The following AK5 variants were observed in gnomAD, a reference collection of about 807,000 sequenced individuals.
AK5 encodes adenylate kinase isoenzyme 5.
In AK5, 27 loss-of-function variants were observed where a neutral mutation model predicts 69.5. That is an observed-to-expected ratio of 0.39 (90% CI 0.29 to 0.54). The LOEUF is 0.54. Ranked by LOEUF, AK5 falls within the 20% of genes least tolerant of loss-of-function variation. The pLI is 0.71. For missense variants in AK5, 531 were observed against 700.4 expected (o/e 0.76, Z 2.73); for synonymous variants, 260 against 244.4 (o/e 1.06, Z -0.60).
intron 6 of AK5, among the ~76,000 whole-genome samples, chr1:77,391,873 G>A (rs60783179): frequency 0.019 from 2,887 of 152,222 alleles, 90 homozygotes; most frequent in African/African-American, 0.066. Flanking sequence ...AATAAATGGG[G>A]TGAAACAAAT....
In AK5 at chr1:77,535,928, A is replaced by C. The variant is rs1658934593; in HGVS notation, c.1510A>C (p.Ser504Arg). 1 of 1,613,900 alleles carries C rather than the reference A, an allele frequency of 6.2e-7. No homozygotes were observed. Among genetic ancestry groups the C allele is most frequent in the African/African-American group, 1.3e-5 (1 of 74,872 alleles). Residue 504 changes from serine (S) to arginine (R), a missense_variant, in exon 13 of 14, where the codon AGC (serine) becomes CGC (arginine). Physicochemically the swap from Ser to Arg is moderately radical, Grantham distance 110. Transcript: ENST00000354567. ...TNRLLQRSRS[S>R]LPVDDTTKTI... is the part of the protein sequence containing the mutation. ...CCGCCTTCTCCAAAGGAGCCGGAGC[A>C]GCCTGCCTGTGGACGACACCACCAA... is the stretch of plus-strand genomic sequence containing the variant.
chr1:77,548,809 A>G (rs1570351527), intron 13 of AK5, among the ~76,000 whole-genome samples: 1 of 151,872 alleles, frequency 6.6e-6, no homozygotes, highest in Non-Finnish European at 1.5e-5. Flanking sequence ...ACTGTTGGGT[A>G]GAAATATTAT....
intron 5 of AK5, among the ~76,000 whole-genome samples, chr1:77,315,592 G>A (rs1660202796): frequency 6.6e-6 from 1 of 151,952 alleles, no homozygotes; most frequent in Admixed American, 6.6e-5. Flanking sequence ...AGGATTCAAA[G>A]GTTTGATTAA....
At chr1:77,383,790 C>T (rs1487099779) in intron 6 of AK5, among the ~76,000 whole-genome samples, 1 of 151,704 alleles carries the variant, frequency 6.6e-6, no homozygotes, top group Admixed American at 6.6e-5. Flanking sequence ...ATAATAATGC[C>T]CTATGAAATG....
At chr1:77,488,128 A>G (rs568050266) in intron 10 of AK5, among the ~76,000 whole-genome samples, 1 of 152,178 alleles carries the variant, frequency 6.6e-6, no homozygotes, top group African/African-American at 2.4e-5. Context: ...AGAGAACAGT[A>G]TGTGTCAAGC....
intron 10 of AK5, among the ~76,000 whole-genome samples, chr1:77,511,780 T>C (rs990428216): frequency 6.6e-6 from 1 of 152,134 alleles, no homozygotes; most frequent in African/African-American, 2.4e-5. Flanking sequence ...GCAGGTTCCA[T>C]AGAACTGAAG....
At chr1:77,507,903 A>C (rs1312375860) in intron 10 of AK5, among the ~76,000 whole-genome samples, 1 of 152,178 alleles carries the variant, frequency 6.6e-6, no homozygotes, top group African/African-American at 2.4e-5. Context: ...AGCTGAAAGA[A>C]TATTACAGTG....
At chr1:77,382,300 T>C (rs1340523274) in intron 6 of AK5, among the ~76,000 whole-genome samples, 1 of 151,284 alleles carries the variant, frequency 6.6e-6, no homozygotes, top group East Asian at 1.9e-4. Context: ...CAAATGATAG[T>C]ACCAGATTTA....
At chr1:77,298,913 A>C (rs894428318) in intron 5 of AK5, among the ~76,000 whole-genome samples, 12 of 152,218 alleles carry the variant, frequency 7.9e-5, no homozygotes, top group African/African-American at 2.9e-4. Context: ...GTGAAAGTCC[A>C]TCAATACCCT....
chr1:77,450,551 T>TA (rs60125215), intron 8 of AK5, among the ~76,000 whole-genome samples: 149,564 of 152,182 alleles, frequency 0.98, 73,553 homozygotes, highest in Middle Eastern at 1. Flanking sequence ...TTCACAACAG[T>TA]AAAAAAATTA....
rs376053801 is a variant in AK5, at chr1:77,361,933, C to T, written c.891+21365C>T. On this transcript the variant is annotated intron_variant, in intron 6 of 13. Coordinates refer to ENST00000354567, the MANE Select transcript of AK5 (RefSeq NM_174858.3). The stretch of plus-strand genomic sequence containing the variant: ...AGGTGAGATTTGGGTGGGGACACAG[C>T]CAAATCATATCACCCTACTCTGCTG... Among the ~76,000 whole-genome samples, 4 of 152,156 alleles carry T rather than the reference C, an allele frequency of 2.6e-5. 1 individual carries two copies. Among genetic ancestry groups the T allele is most frequent in the African/African-American group, 9.6e-5 (4 of 41,514 alleles).
rs1660108553 is a variant in AK5 at position 77,556,457 on chromosome 1, G to A, written c.1621-2145G>A. Among the ~76,000 whole-genome samples the A allele has an allele frequency of 2.6e-5, 4 of 152,162 alleles. No individual in the cohort carries two copies. In the South Asian group the frequency reaches 8.3e-4, roughly 32 times the overall value. ...GTTTGTGAAATTAATCCATGTTGTT[G>A]AAGATAGCTGTGGTTCTTTTTCTTT... On this transcript the variant is annotated intron_variant, in intron 13 of 13. Coordinates refer to ENST00000354567, the MANE Select transcript of AK5 (RefSeq NM_174858.3).
chr1:77,342,766 T>A (rs1262264901), intron 6 of AK5, among the ~76,000 whole-genome samples: 2 of 152,056 alleles, frequency 1.3e-5, no homozygotes, highest in Non-Finnish European at 2.9e-5. Flanking sequence ...ATAATAAGCA[T>A]GTTAAGATTT....
At chr1:77,351,249 G>T (rs1188060831) in intron 6 of AK5, among the ~76,000 whole-genome samples, 4 of 152,098 alleles carry the variant, frequency 2.6e-5, no homozygotes, top group Admixed American at 2.0e-4. Flanking sequence ...CAAAAAATTA[G>T]TTGGGCATGG....
chr1:77,285,486 A>G (rs1321020032), intron 1 of AK5, among the ~76,000 whole-genome samples: 1 of 152,260 alleles, frequency 6.6e-6, no homozygotes, highest in Non-Finnish European at 1.5e-5. Flanking sequence ...ATAATTGAAA[A>G]TAAAATACTG....
At chr1:77,411,575 C>T (rs753072606) in intron 7 of AK5, among the ~76,000 whole-genome samples, 2 of 152,118 alleles carry the variant, frequency 1.3e-5, no homozygotes, top group Non-Finnish European at 2.9e-5. Context: ...AATCATACCT[C>T]CTAATGTAGG....
intron 6 of AK5, among the ~76,000 whole-genome samples, chr1:77,348,546 A>T (rs1403008419): frequency 6.6e-6 from 1 of 152,214 alleles, no homozygotes; most frequent in Non-Finnish European, 1.5e-5. Context: ...TGTTACTGAC[A>T]GGTCTATCTA....
At chr1:77,524,142 C>G (rs962312661) in intron 12 of AK5, among the ~76,000 whole-genome samples, 1 of 152,188 alleles carries the variant, frequency 6.6e-6, no homozygotes. Flanking sequence ...AAATAACATT[C>G]CATTGTATGT....
At chr1:77,283,556 T>C (rs1658182408) in intron 1 of AK5, 1 of 985,298 alleles carries the variant, frequency 1.0e-6, no homozygotes, top group South Asian at 4.7e-5. Context: ...CAGGTCTTCT[T>C]TTCTCTCACC....
Sources: allele counts gnomAD v4.1 joint callset (sites outside exome capture counted in the v4.1 genomes callset), GRCh38; gene constraint gnomAD v4.1.1; transcripts MANE v1.5; gene names NCBI Gene and HGNC (gene_info 2026-07-23, HGNC 2026-07-21).